Variants in ACLY observed in about 807,000 individuals in gnomAD.
The protein encoded by ACLY is ATP-citrate synthase.
ACLY carries 41 observed loss-of-function variants against 133.0 expected under a neutral mutation model. The ratio of observed to expected loss-of-function variants is 0.31; its 90% CI spans 0.24 to 0.40. The LOEUF is 0.40. Among genes scored for constraint, ACLY ranks in the 10% least tolerant of loss-of-function variants. ACLY has a pLI of 1.00. For missense variants in ACLY, 1,046 were observed against 1,453.8 expected (o/e 0.72, Z 4.56); for synonymous variants, 495 against 549.3 (o/e 0.90, Z 1.38).
chr17:41,916,378 GTT>G (rs71155191), intron 1 of ACLY, among the ~76,000 whole-genome samples: 1 of 141,166 alleles, frequency 7.1e-6, no homozygotes, highest in Non-Finnish European at 1.6e-5. Flanking sequence ...GTTTTGTTTT[GTT>G]TTTTTTTTTT....
chr17:41,919,249 C>T (rs1238756994), upstream of ACLY, among the ~76,000 whole-genome samples: 1 of 138,652 alleles, frequency 7.2e-6, no homozygotes, highest in Non-Finnish European at 1.6e-5. Flanking sequence ...ACGCGCGGTG[C>T]TGGGGGTTGT....
intron 12 of ACLY, among the ~76,000 whole-genome samples, 158 bp from the exon 13 acceptor site, chr17:41,897,997 C>T (rs540246059): frequency 9.2e-5 from 14 of 152,300 alleles, no homozygotes; most frequent in East Asian, 5.8e-4. Flanking sequence ...CTCTAAGATA[C>T]GAATTAATAT....
chr17:41,883,330 T>C, intron 19 of ACLY, 98 bp from the exon 20 acceptor site: 1 of 953,592 alleles, frequency 1.0e-6, no homozygotes, highest in Non-Finnish European at 1.6e-6. Context: ...TTTGGCCAAA[T>C]AAAAGGAGTT....
chr17:41,898,198 C>T (rs959107047), intron 12 of ACLY, among the ~76,000 whole-genome samples: 2 of 152,108 alleles, frequency 1.3e-5, no homozygotes, highest in East Asian at 1.9e-4. Flanking sequence ...CTGCAACCTC[C>T]GCCTCCCAGG....
At chr17:41,910,939 C>T (rs1273059611) in intron 3 of ACLY, among the ~76,000 whole-genome samples, 1 of 152,120 alleles carries the variant, frequency 6.6e-6, no homozygotes, top group Non-Finnish European at 1.5e-5. Context: ...TCCTGCTGGC[C>T]CAACGCTGCT....
At chr17:41,912,349 C>T in intron 3 of ACLY, 71 bp downstream of exon 3, 1 of 1,573,800 alleles carries the variant, frequency 6.4e-7, no homozygotes, top group Non-Finnish European at 8.7e-7. Flanking sequence ...ATCCACAGAG[C>T]TGCTGACCTG....
chr17:41,894,012 A>C (rs1258564842), intron 14 of ACLY, among the ~76,000 whole-genome samples: 1 of 152,062 alleles, frequency 6.6e-6, no homozygotes, highest in Admixed American at 6.5e-5. Flanking sequence ...TCAAGAGTTC[A>C]AGACCAGCCT....
intron 25 of ACLY, 70 bp downstream of exon 25, chr17:41,871,619 T>G (rs1555625037): frequency 2.3e-5 from 36 of 1,593,146 alleles, no homozygotes; most frequent in Non-Finnish European, 4.3e-6. Context: ...CCTCCCAAAG[T>G]GCTGTGATTA....
At chr17:41,901,129 AT>A (rs782019106) in intron 11 of ACLY, among the ~76,000 whole-genome samples, 2,830 of 142,000 alleles carry the variant, frequency 0.02, 37 homozygotes, top group Non-Finnish European at 0.03. Flanking sequence ...TAATTTTTGT[AT>A]TTTTTTTTTT....
intron 7 of ACLY, 59 bp from the exon 8 acceptor site, chr17:41,906,705 TC>T: frequency 1.4e-6 from 2 of 1,448,258 alleles, no homozygotes; most frequent in Non-Finnish European, 1.9e-6. Context: ...AGGTCCCAGA[TC>T]CTAGGACCCC....
Position 41,887,588 on chromosome 17 carries a change from G to A in ACLY, c.1875+11C>T. 6.2e-7 allele frequency: 1 copy of A among 1,612,690 alleles called. No individual in the cohort carries two copies. Among genetic ancestry groups the A allele is most frequent in the Non-Finnish European group, 8.5e-7 (1 of 1,178,828 alleles). ...ATCGAACGTAAAAGGCTTTCCGGAG[G>A]GGAAGCTCACAGTGGCAGGTCCGAT... On this transcript the variant is annotated intron_variant, in intron 17 of 28. Coordinates refer to ENST00000352035, the MANE Select transcript of ACLY (RefSeq NM_001096.3).
intron 10 of ACLY, among the ~76,000 whole-genome samples, chr17:41,903,746 ACT>A (rs1167385110): frequency 9.6e-6 from 1 of 104,704 alleles, no homozygotes; most frequent in Non-Finnish European, 1.8e-5. Flanking sequence ...ACAGAGCGAG[ACT>A]CTGTCTCAAA....
chr17:41,898,685 T>C lies in ACLY; in HGVS notation c.1284A>G (p.Pro428=). 2 of 1,613,830 alleles carry C rather than the reference T, an allele frequency of 1.2e-6. No individual in the cohort carries two copies. Among genetic ancestry groups the C allele is most frequent in the Non-Finnish European group, 1.7e-6 (2 of 1,179,916 alleles). The part of the protein sequence containing the change: ...ALGHRPIPNQ[P]PTAAHTANFL... ...AGTTTGCAGTGTGGGCCGCTGTGGGTGGCTGGTTGGGGATGGGCCGGTGGC... is the reference window on the plus strand; with the variant it reads ...AGTTTGCAGTGTGGGCCGCTGTGGGCGGCTGGTTGGGGATGGGCCGGTGGC... The change falls in exon 12 of 29, where the codon CCA becomes CCG. Residue 428 remains proline, a synonymous_variant. Transcript: ENST00000352035.
intron 25 of ACLY, among the ~76,000 whole-genome samples, chr17:41,871,397 G>GGCA (rs1185136174): frequency 6.7e-6 from 1 of 148,458 alleles, no homozygotes; most frequent in Non-Finnish European, 1.5e-5. Context: ...TTGTTGCCCA[G>GGCA]ACTGGAGTGC....
rs143109701 is a variant in ACLY, at chr17:41,901,834, G to A, written c.1066-21C>T. The A allele has an allele frequency of 6.4e-4, 980 of 1,532,746 alleles. 11 individuals are homozygous for A. In the African/African-American group the frequency reaches 0.012, roughly 19 times the overall value. The allele number at this position is 1,532,746 out of a possible 1,614,324, so 94.9% of individuals were successfully genotyped here. A position where few individuals can be genotyped will look rare whatever the true frequency, so the allele number is the denominator to read the frequency against. Reference sequence around the variant, plus strand: ...ATGCCCTGGAAGCCCAAAGTGACATGTGACTAAAAACAAGGCAGCCACAAG... The same window carrying A: ...ATGCCCTGGAAGCCCAAAGTGACATATGACTAAAAACAAGGCAGCCACAAG... On this transcript the variant is annotated intron_variant, in intron 10 of 28. Coordinates refer to ENST00000352035, the MANE Select transcript of ACLY (RefSeq NM_001096.3).
intron 5 of ACLY, 50 bp from the exon 6 acceptor site, chr17:41,909,118 G>T: frequency 6.9e-7 from 1 of 1,451,346 alleles, no homozygotes; most frequent in Non-Finnish European, 9.6e-7. Flanking sequence ...GGAGCAGCTC[G>T]GCAGCACCCC....
At chr17:41,894,089 AC>A (rs1423525852) in intron 14 of ACLY, among the ~76,000 whole-genome samples, 1 of 151,648 alleles carries the variant, frequency 6.6e-6, no homozygotes, top group African/African-American at 2.4e-5. Flanking sequence ...TGGGGTGGAC[AC>A]CTGTAATCCC....
chr17:41,908,962 C>T (rs1567910742), intron 6 of ACLY, 27 bp downstream of exon 6: 1 of 1,591,052 alleles, frequency 6.3e-7, no homozygotes, highest in South Asian at 1.1e-5. Flanking sequence ...GACCCTTGCC[C>T]CCTCCCAGCC....
At chr17:41,908,912 G>A (rs2049807294) in intron 6 of ACLY, 77 bp downstream of exon 6, 1 of 1,241,098 alleles carries the variant, frequency 8.1e-7, no homozygotes, top group East Asian at 2.3e-5. Flanking sequence ...TGGGAGTCTG[G>A]TTCTCTGAAT....
Sources: gnomAD v4.1 joint callset for allele counts (sites outside exome capture counted in the v4.1 genomes callset) on GRCh38, gnomAD v4.1.1 for gene constraint, MANE v1.5 for transcripts, NCBI Gene and HGNC (gene_info 2026-07-23, HGNC 2026-07-21) for gene names.